The following MOSPD2 variants were observed in gnomAD, a reference collection of about 807,000 sequenced individuals.
MOSPD2 encodes the protein motile sperm domain containing 2.
In MOSPD2, 5 loss-of-function variants were observed where a neutral mutation model predicts 41.7. That is an observed-to-expected ratio of 0.12 (90% confidence interval 0.06 to 0.25). MOSPD2 has a LOEUF of 0.25. Ranked by LOEUF, MOSPD2 falls within the 10% of genes least tolerant of loss-of-function variation. The pLI is 1.00. For synonymous variants in MOSPD2, 115 were observed against 126.9 expected, an observed-to-expected ratio of 0.91 and a Z score of 0.63; for missense variants, 282 against 375.2, an observed-to-expected ratio of 0.75 and a Z score of 2.05.
rs1181656571 is a variant in MOSPD2 at position 14,922,164 on chromosome X, T to C, written c.*2355T>C. 8.9e-6 allele frequency: 1 copy of C among 111,887 alleles called. No individual in the cohort carries two copies. Among genetic ancestry groups the C allele is most frequent in the Non-Finnish European group, 1.9e-5 (1 of 53,237 alleles). 9.2% of individuals were successfully genotyped at this position (111,887 alleles called of 1,213,427 possible). A position where few individuals can be genotyped will look rare whatever the true frequency, so the allele number is the denominator to read the frequency against. On this transcript the variant is annotated 3_prime_UTR_variant, in exon 15 of 15. Transcript: ENST00000380492. ...TATATTCCTAGAATTGTTGCCAGTG[T>C]AATTTCTCTAATGTTCTGGTGCTTT...
chrX:14,920,080 AT>A lies in MOSPD2; in HGVS notation c.*277del, dbSNP rs749153464. 2 of 756,021 alleles carry A rather than the reference AT, an allele frequency of 2.6e-6. No homozygotes were observed. The highest frequency in any genetic ancestry group is 9.0e-5 in the East Asian group (1 of 11,130). The allele number at this position is 756,021 out of a possible 1,213,427, so 62.3% of individuals were successfully genotyped here. ...TAAATTAATAGTTTAAATATAATTT[AT>A]TTTTTCCTTTTGATCTGAATACTTT... is the stretch of plus-strand genomic sequence containing the variant. On this transcript the variant is annotated 3_prime_UTR_variant, in exon 15 of 15. Coordinates refer to ENST00000380492, the MANE Select transcript of MOSPD2 (RefSeq NM_152581.4).
intron 14 of MOSPD2, 136 bp downstream of exon 14, chrX:14,918,918 G>A: frequency 2.1e-6 from 1 of 470,758 alleles, no homozygotes; most frequent in South Asian, 3.3e-5. Flanking sequence ...GTGAAGAGAT[G>A]CCAAATCAGA....
intron 2 of MOSPD2, among the ~76,000 whole-genome samples, chrX:14,886,959 C>A (rs2092542722): frequency 8.9e-6 from 1 of 112,238 alleles, no homozygotes; most frequent in Non-Finnish European, 1.9e-5. Flanking sequence ...GGCCAACTAG[C>A]AGAGAATAAT....
chrX:14,875,527 A>G (rs190433656), intron 2 of MOSPD2, among the ~76,000 whole-genome samples: 38 of 112,217 alleles, frequency 3.4e-4, no homozygotes, highest in Admixed American at 3.3e-3. Flanking sequence ...TCATTAAAGA[A>G]TACTTCTGAA....
At position 14,920,684 on chromosome X, in the gene MOSPD2, T is replaced by C. The variant is rs1031230619; in HGVS notation, c.*875T>C. The C allele has an allele frequency of 1.3e-5, 10 of 752,052 alleles. No homozygotes were observed. Among genetic ancestry groups the C allele is most frequent in the Non-Finnish European group, 1.6e-5 (10 of 638,963 alleles). 62.0% of individuals were successfully genotyped at this position (752,052 alleles called of 1,213,427 possible). Reference sequence around the variant, plus strand: ...ACCCCCATTCCAGAGCAGAGGAGTCTCTGTGGACCATGAATTGCACTGTCT... The same window carrying C: ...ACCCCCATTCCAGAGCAGAGGAGTCCCTGTGGACCATGAATTGCACTGTCT... On this transcript the variant is annotated 3_prime_UTR_variant, in exon 15 of 15. Transcript: ENST00000380492.
Position 14,887,728 on chromosome X carries a change from TTGTG to T in MOSPD2, c.80-4990_80-4987del, listed in dbSNP as rs1191030210. Reference sequence around the variant, plus strand: ...AAATTTTATTTTTTTATTTAAAAAATTGTGTGTGAGAGAGAAACAGTGAGTGAGA... The same window carrying T: ...AAATTTTATTTTTTTATTTAAAAAATTGTGAGAGAGAAACAGTGAGTGAGA... On this transcript the variant is annotated intron_variant, in intron 2 of 14. Coordinates refer to ENST00000380492, the MANE Select transcript of MOSPD2 (RefSeq NM_152581.4). 3.6e-5 allele frequency among the ~76,000 whole-genome samples: 4 copies of T among 111,371 alleles called. No homozygotes were observed. The South Asian group carries it at 1.1e-3, about 31-fold the overall frequency.
intron 7 of MOSPD2, among the ~76,000 whole-genome samples, chrX:14,903,343 T>TAAA (rs67026831): frequency 1.0e-5 from 1 of 99,405 alleles, no homozygotes. Context: ...ACCCATCTCT[T>TAAA]AAAAAAAAAA....
At chrX:14,889,376 A>G (rs1055650809) in intron 2 of MOSPD2, among the ~76,000 whole-genome samples, 2 of 111,955 alleles carry the variant, frequency 1.8e-5, no homozygotes, top group Non-Finnish European at 3.8e-5. Flanking sequence ...TGATAAAAGC[A>G]CAATTATTTA....
At chrX:14,899,850 A>G in intron 5 of MOSPD2, among the ~76,000 whole-genome samples, 1 of 110,499 alleles carries the variant, frequency 9.0e-6, no homozygotes, top group Non-Finnish European at 1.9e-5. Context: ...GTGGCCATGG[A>G]GTGAAATGAC....
chrX:14,908,082 T>C (rs1405062704), intron 7 of MOSPD2, among the ~76,000 whole-genome samples: 1 of 111,976 alleles, frequency 8.9e-6, no homozygotes, highest in East Asian at 2.8e-4. Context: ...TAATGCAGTA[T>C]TTCTCTTTTA....
At chrX:14,916,823 TTATTC>T (rs1271433440) in intron 13 of MOSPD2, among the ~76,000 whole-genome samples, 3 of 112,046 alleles carry the variant, frequency 2.7e-5, no homozygotes, top group Middle Eastern at 4.2e-3. Context: ...GTTATGGACA[TTATTC>T]TATTTAAGAG....
chrX:14,888,823 T>A (rs6527077), intron 2 of MOSPD2, among the ~76,000 whole-genome samples: 1 of 108,492 alleles, frequency 9.2e-6, no homozygotes, highest in Admixed American at 9.9e-5. Flanking sequence ...CTTTAGATAA[T>A]CTTTTGGGTG....
chrX:14,889,982 A>C (rs1212013444), intron 2 of MOSPD2, among the ~76,000 whole-genome samples: 1 of 111,975 alleles, frequency 8.9e-6, no homozygotes, highest in Non-Finnish European at 1.9e-5. Context: ...GGTTTTTAGA[A>C]TATATCTGGG....
chrX:14,882,492 G>C (rs2092533215), intron 2 of MOSPD2, among the ~76,000 whole-genome samples: 1 of 111,748 alleles, frequency 8.9e-6, no homozygotes, highest in Admixed American at 9.5e-5. Context: ...TAAGAGTGTA[G>C]ATTTTAAGTG....
chrX:14,905,985 A>T (rs2092581442), intron 7 of MOSPD2, among the ~76,000 whole-genome samples: 1 of 111,665 alleles, frequency 9.0e-6, no homozygotes, highest in Admixed American at 9.6e-5. Flanking sequence ...TGGAGGGCCG[A>T]CTGTATTGTT....
At chrX:14,908,696 C>T (rs1289647159) in intron 7 of MOSPD2, among the ~76,000 whole-genome samples, 164 bp from the exon 8 acceptor site, 3 of 111,679 alleles carry the variant, frequency 2.7e-5, no homozygotes, top group South Asian at 3.7e-4. Context: ...ACAATGTAAA[C>T]GCCTACAGAA....
intron 2 of MOSPD2, among the ~76,000 whole-genome samples, chrX:14,889,185 G>A (rs965886523): frequency 9.0e-6 from 1 of 110,631 alleles, no homozygotes; most frequent in South Asian, 3.8e-4. Flanking sequence ...AACCCTTATG[G>A]CCTAATCACC....
intron 13 of MOSPD2, 45 bp downstream of exon 13, chrX:14,916,371 C>T: frequency 8.3e-7 from 1 of 1,202,293 alleles, no homozygotes; most frequent in Non-Finnish European, 1.1e-6. Flanking sequence ...TGGGAAGAAT[C>T]AGAAAGAGAA....
At chrX:14,905,459 T>G (rs775029850) in intron 7 of MOSPD2, among the ~76,000 whole-genome samples, 8 of 110,663 alleles carry the variant, frequency 7.2e-5, no homozygotes, top group Non-Finnish European at 1.3e-4. Context: ...CGTATAGTAT[T>G]TGCATGTAAC....
Sources: allele counts gnomAD v4.1 joint callset (sites outside exome capture counted in the v4.1 genomes callset), GRCh38; gene constraint gnomAD v4.1.1; transcripts MANE v1.5; gene names NCBI Gene and HGNC (gene_info 2026-07-23, HGNC 2026-07-21).